IL16: variants seen among roughly 807,000 people sequenced by gnomAD.
IL16 encodes the protein pro-interleukin-16.
Under a neutral mutation model 110.1 loss-of-function variants are expected in IL16, and 67 were observed. The ratio of observed to expected loss-of-function variants is 0.61; its 90% CI spans 0.50 to 0.75. The LOEUF (loss-of-function observed/expected upper bound fraction) is 0.75. IL16 is among the 30% of genes least tolerant of loss of function. The pLI is 0.00. For missense variants in IL16, 1,545 were observed against 1,655.0 expected (o/e 0.93, Z 1.15); for synonymous variants, 689 against 662.9 (o/e 1.04, Z -0.61).
At chr15:81,202,122 T>A (rs983058219) in intron 1 of IL16, among the ~76,000 whole-genome samples, 1 of 152,200 alleles carries the variant, frequency 6.6e-6, no homozygotes, top group Admixed American at 6.5e-5. Flanking sequence ...TTAAATGCAA[T>A]CATCCTTAGT....
Position 81,313,643 on chromosome 15 carries a change from C to T in IL16, c.*4845C>T, listed in dbSNP as rs1412534104. On this transcript the variant is annotated 3_prime_UTR_variant, in exon 19 of 19. Transcript: ENST00000683961. Reference sequence around the variant, plus strand: ...CCCGGCCTCCAGGGAGGAAGAAGTCCCTACTCCCAGCCCAAAAACCCAGTA... The same window carrying T: ...CCCGGCCTCCAGGGAGGAAGAAGTCTCTACTCCCAGCCCAAAAACCCAGTA... 9.3e-6 allele frequency: 3 copies of T among 323,254 alleles called. No homozygotes were observed. In the East Asian group the frequency reaches 1.5e-4, roughly 16 times the overall value. The allele number at this position is 323,254 out of a possible 1,614,324, so 20.0% of individuals were successfully genotyped here. A position where few individuals can be genotyped will look rare whatever the true frequency, so the allele number is the denominator to read the frequency against.
At chr15:81,280,809 A>G (rs1328505638) in intron 8 of IL16, among the ~76,000 whole-genome samples, 21 of 152,224 alleles carry the variant, frequency 1.4e-4, no homozygotes, top group Admixed American at 1.4e-3. Context: ...GACTAGGGGC[A>G]GACAAGTCTG....
intron 6 of IL16, among the ~76,000 whole-genome samples, chr15:81,278,279 G>A (rs1899005752): frequency 1.3e-5 from 2 of 152,120 alleles, no homozygotes; most frequent in Admixed American, 1.3e-4. Flanking sequence ...GACTGAGGGT[G>A]CAGGCCATTG....
chr15:81,209,035 G>T lies in IL16; in HGVS notation c.-102+11883G>T, dbSNP rs143274395. Among the ~76,000 whole-genome samples, 569 of 152,270 alleles carry T rather than the reference G, an allele frequency of 3.7e-3. 3 individuals carry two copies. Among genetic ancestry groups the T allele is most frequent in the African/African-American group, 0.013 (533 of 41,552 alleles). On this transcript the variant is annotated intron_variant, in intron 1 of 18. Coordinates refer to ENST00000683961, the MANE Select transcript of IL16 (RefSeq NM_172217.5). The stretch of plus-strand genomic sequence containing the variant: ...GTAATTGCTTGATAAATATGATGAT[G>T]ATTATTATTTCTATTTTAGCATGGG...
chr15:81,299,977 C>G lies in IL16; in HGVS notation c.2651C>G (p.Ser884Cys). The G allele has an allele frequency of 6.2e-7, 1 of 1,605,766 alleles. No individual in the cohort carries two copies. The highest frequency in any genetic ancestry group is 8.5e-7 in the Non-Finnish European group (1 of 1,175,262). Reference sequence around the variant, plus strand: ...GGGAAGCATGAGGAAGGACGGTTTTCTGGACTCTTGGGGCGAGGGGCTGCA... The same window carrying G: ...GGGAAGCATGAGGAAGGACGGTTTTGTGGACTCTTGGGGCGAGGGGCTGCA... The part of the protein sequence containing the change: ...PLGKHEEGRF[S>C]GLLGRGAAPT... Residue 884 changes from serine (S) to cysteine (C), a missense_variant, in exon 14 of 19, where the codon TCT (serine) becomes TGT (cysteine). Ser to Cys is a moderately radical substitution (Grantham distance 112). Transcript: ENST00000683961.
chr15:81,279,409 CAT>C (rs1899065447), intron 7 of IL16, 147 bp from the exon 8 acceptor site: 1 of 611,430 alleles, frequency 1.6e-6, no homozygotes, highest in South Asian at 2.0e-5. Context: ...ACAAATATGT[CAT>C]AATATAATTT....
At chr15:81,223,971 C>G (rs1382081343) in intron 1 of IL16, among the ~76,000 whole-genome samples, 1 of 152,188 alleles carries the variant, frequency 6.6e-6, no homozygotes, top group Non-Finnish European at 1.5e-5. Context: ...TAAAATGGAT[C>G]AAAACCGAAT....
intron 3 of IL16, among the ~76,000 whole-genome samples, chr15:81,264,935 A>G (rs1898306743): frequency 6.6e-6 from 1 of 152,150 alleles, no homozygotes; most frequent in African/African-American, 2.4e-5. Context: ...CTACTAGAAA[A>G]TTTTTTAATT....
intron 18 of IL16, among the ~76,000 whole-genome samples, chr15:81,307,074 C>T (rs370612314): frequency 6.6e-6 from 1 of 152,158 alleles, no homozygotes; most frequent in African/African-American, 2.4e-5. Context: ...TTTTGTTCAT[C>T]AGGGATTGGA....
At position 81,313,144 on chromosome 15, in the gene IL16, T is replaced by C; in HGVS notation, c.*4346T>C. ...CTCAGAGATGCGCAGTCCATCAGCTTGTTCCAAAGAGTGAACACAGGCCTC... is the reference window on the plus strand; with the variant it reads ...CTCAGAGATGCGCAGTCCATCAGCTCGTTCCAAAGAGTGAACACAGGCCTC... On this transcript the variant is annotated 3_prime_UTR_variant, in exon 19 of 19. Coordinates refer to ENST00000683961, the MANE Select transcript of IL16 (RefSeq NM_172217.5). 7.8e-7 allele frequency: 1 copy of C among 1,282,740 alleles called. No individual in the cohort carries two copies. Among genetic ancestry groups the C allele is most frequent in the Middle Eastern group, 2.1e-4 (1 of 4,700 alleles). 79.5% of individuals were successfully genotyped at this position (1,282,740 alleles called of 1,614,324 possible).
rs1205936992 is a variant in IL16 at position 81,308,611 on chromosome 15, C to T, written c.3812C>T (p.Ala1271Val). 3 of 1,602,812 alleles carry T rather than the reference C, an allele frequency of 1.9e-6. No individual in the cohort carries two copies. Among genetic ancestry groups the T allele is most frequent in the South Asian group, 2.2e-5 (2 of 89,430 alleles). Reference sequence around the variant, plus strand: ...ACCTTCTCCCTCATTTCAGGAGCAGCCTCAGAACAAAGTGAGACAGTCCAG... The same window carrying T: ...ACCTTCTCCCTCATTTCAGGAGCAGTCTCAGAACAAAGTGAGACAGTCCAG... ...LTINRIFKGA[A>V]SEQSETVQPG... is the part of the protein sequence containing the mutation. The change falls in exon 19 of 19, where the codon GCC (alanine) becomes GTC (valine). Residue 1271 changes from alanine to valine, a missense_variant. By Grantham distance (64) the Ala-to-Val change is moderately conservative. Transcript: ENST00000683961.
chr15:81,220,750 C>G (rs1401184966), intron 1 of IL16, among the ~76,000 whole-genome samples: 1 of 138,964 alleles, frequency 7.2e-6, no homozygotes, highest in African/African-American at 2.9e-5. Context: ...CTTTGCCTAG[C>G]ACAAAAACAG....
intron 12 of IL16, among the ~76,000 whole-genome samples, chr15:81,294,114 G>T (rs532908422): frequency 6.6e-6 from 1 of 152,338 alleles, no homozygotes; most frequent in South Asian, 2.1e-4. Flanking sequence ...TCTACAGTGA[G>T]GGTTGGCAAG....
intron 1 of IL16, 44 bp downstream of exon 1, chr15:81,197,196 T>A: frequency 8.0e-7 from 1 of 1,245,996 alleles, no homozygotes; most frequent in Non-Finnish European, 1.0e-6. Flanking sequence ...CAGGTGGCCG[T>A]TACCGGAGGG....
intron 9 of IL16, among the ~76,000 whole-genome samples, chr15:81,283,759 G>A (rs545215437): frequency 2.0e-4 from 30 of 152,240 alleles, no homozygotes; most frequent in East Asian, 5.8e-4. Flanking sequence ...TAATCCCAGC[G>A]CTTTGGGAGG....
upstream of IL16, among the ~76,000 whole-genome samples, chr15:81,193,454 T>A (rs1056905391): frequency 6.6e-6 from 1 of 152,112 alleles, no homozygotes; most frequent in Non-Finnish European, 1.5e-5. Context: ...TGTTGGCATG[T>A]GCGTGGTATA....
chr15:81,242,262 A>G (rs1467951976), intron 2 of IL16, among the ~76,000 whole-genome samples: 1 of 152,182 alleles, frequency 6.6e-6, no homozygotes, highest in African/African-American at 2.4e-5. Context: ...AATTTTGTCT[A>G]TATCTACAAA....
intron 15 of IL16, among the ~76,000 whole-genome samples, chr15:81,302,520 G>T (rs1380795207): frequency 6.6e-6 from 1 of 152,120 alleles, no homozygotes; most frequent in African/African-American, 2.4e-5. Context: ...GGAGGTGAGG[G>T]TGCAGTGAGG....
intron 2 of IL16, among the ~76,000 whole-genome samples, chr15:81,235,400 A>T (rs1215911765): frequency 1.3e-5 from 2 of 152,098 alleles, no homozygotes; most frequent in Non-Finnish European, 2.9e-5. Context: ...GGAGCAAGAG[A>T]GAGAGAGGAG....
Sources: allele counts gnomAD v4.1 joint callset (sites outside exome capture counted in the v4.1 genomes callset), GRCh38; gene constraint gnomAD v4.1.1; transcripts MANE v1.5; gene names NCBI Gene and HGNC (gene_info 2026-07-23, HGNC 2026-07-21).